The following COL27A1 variants were observed in gnomAD, a reference collection of about 807,000 sequenced individuals.
COL27A1 encodes the protein collagen alpha-1(XXVII) chain.
Under a neutral mutation model 251.3 loss-of-function variants are expected in COL27A1, and 106 were observed. The observed-to-expected ratio is 0.42, with a 90% CI of 0.36 to 0.50. COL27A1 has a LOEUF of 0.50. Ranked by LOEUF, COL27A1 falls within the 20% of genes least tolerant of loss-of-function variation. The pLI is 0.00. For synonymous variants in COL27A1, 1,000 were observed against 986.3 expected (o/e 1.01, Z -0.26); for missense variants, 2,325 against 2,522.8 (o/e 0.92, Z 1.68).
intron 3 of COL27A1, among the ~76,000 whole-genome samples, chr9:114,174,012 C>G (rs1008097748): frequency 2.7e-5 from 4 of 150,798 alleles, no homozygotes; most frequent in Admixed American, 6.6e-5. Flanking sequence ...GAGTCTTGCT[C>G]TGTTGCCCAG....
chr9:114,310,575 A>C lies in COL27A1; in HGVS notation c.5463A>C (p.Thr1821=). 1 of 1,614,106 alleles carries C rather than the reference A, an allele frequency of 6.2e-7. No individual in the cohort carries two copies. Among genetic ancestry groups the C allele is most frequent in the Non-Finnish European group, 8.5e-7 (1 of 1,180,014 alleles). Residue 1821 remains threonine (T), a synonymous_variant, in exon 61 of 61, where the codon ACA becomes ACC. Transcript: ENST00000356083. ...CKVQDGRWHQ[T]LFTFRTQDPQ... ...TCCAAGATGGCCGCTGGCATCAGACACTCTTCACCTTCCGGACCCAAGACC... is the reference window on the plus strand; with the variant it reads ...TCCAAGATGGCCGCTGGCATCAGACCCTCTTCACCTTCCGGACCCAAGACC...
chr9:114,232,471 C>T (rs1832034136), intron 16 of COL27A1, among the ~76,000 whole-genome samples: 2 of 152,202 alleles, frequency 1.3e-5, no homozygotes, highest in African/African-American at 4.8e-5. Context: ...ATACGAGAGA[C>T]ACAGGGCCCA....
At chr9:114,172,620 C>T (rs919818621) in intron 3 of COL27A1, among the ~76,000 whole-genome samples, 23 of 152,108 alleles carry the variant, frequency 1.5e-4, no homozygotes, top group African/African-American at 5.5e-4. Flanking sequence ...ATGGTGAAAC[C>T]CTGTCTTTAC....
At chr9:114,253,740 T>A (rs1171213721) in intron 27 of COL27A1, among the ~76,000 whole-genome samples, 1 of 152,178 alleles carries the variant, frequency 6.6e-6, no homozygotes, top group Non-Finnish European at 1.5e-5. Flanking sequence ...TGTGATCGTG[T>A]GGGTTAAATG....
chr9:114,213,752 C>T (rs1471794264), intron 12 of COL27A1, among the ~76,000 whole-genome samples: 2 of 152,188 alleles, frequency 1.3e-5, no homozygotes, highest in African/African-American at 4.8e-5. Flanking sequence ...TCGATTATCC[C>T]CATTTTCCAG....
At chr9:114,256,266 C>T (rs549260157) in intron 27 of COL27A1, among the ~76,000 whole-genome samples, 32 of 152,234 alleles carry the variant, frequency 2.1e-4, no homozygotes, top group African/African-American at 6.3e-4. Context: ...CCGAGGCTGG[C>T]GGATCACGAG....
At chr9:114,180,803 C>G (rs917269362) in intron 4 of COL27A1, among the ~76,000 whole-genome samples, 1 of 152,150 alleles carries the variant, frequency 6.6e-6, no homozygotes, top group African/African-American at 2.4e-5. Flanking sequence ...CTATGTGCCT[C>G]GTTTCTCTGC....
At chr9:114,164,391 T>C (rs1006441289) in intron 2 of COL27A1, among the ~76,000 whole-genome samples, 1 of 152,218 alleles carries the variant, frequency 6.6e-6, no homozygotes, top group Non-Finnish European at 1.5e-5. Flanking sequence ...GCTGGTCACA[T>C]TTGCCAGGTG....
At chr9:114,294,743 G>T (rs532214156) in intron 49 of COL27A1, among the ~76,000 whole-genome samples, 1 of 152,228 alleles carries the variant, frequency 6.6e-6, no homozygotes, top group Non-Finnish European at 1.5e-5. Flanking sequence ...AGTAGTGATT[G>T]ACTGAATGCT....
intron 12 of COL27A1, among the ~76,000 whole-genome samples, chr9:114,215,186 C>A (rs1169621891): frequency 6.6e-6 from 1 of 152,244 alleles, no homozygotes. Flanking sequence ...TGACTGGGAC[C>A]TGCCCAAGGC....
At chr9:114,166,737 G>C (rs1472634112) in intron 2 of COL27A1, among the ~76,000 whole-genome samples, 3 of 152,210 alleles carry the variant, frequency 2.0e-5, no homozygotes, top group Non-Finnish European at 2.9e-5. Flanking sequence ...GACCTGGGAG[G>C]GGAAAGGTCA....
intron 6 of COL27A1, among the ~76,000 whole-genome samples, chr9:114,195,251 C>A (rs1467784908): frequency 6.6e-6 from 1 of 152,192 alleles, no homozygotes; most frequent in East Asian, 1.9e-4. Flanking sequence ...TTTGATTTCC[C>A]CAAGACACGA....
chr9:114,284,666 T>G, intron 40 of COL27A1, 58 bp from the exon 41 acceptor site: 1 of 1,575,432 alleles, frequency 6.3e-7, no homozygotes, highest in Non-Finnish European at 8.7e-7. Context: ...TTGGAGTCCA[T>G]GTCCTTTGTC....
At chr9:114,265,275 T>G in intron 31 of COL27A1, 147 bp from the exon 32 acceptor site, 1 of 1,057,112 alleles carries the variant, frequency 9.5e-7, no homozygotes, top group Non-Finnish European at 1.4e-6. Flanking sequence ...CTCCAGCACA[T>G]CCTCTCTTCT....
chr9:114,203,044 C>A (rs551356272), intron 7 of COL27A1, among the ~76,000 whole-genome samples: 31 of 152,318 alleles, frequency 2.0e-4, no homozygotes, highest in African/African-American at 7.2e-4. Flanking sequence ...GTTGTGCAAT[C>A]AATATCCAGA....
chr9:114,208,442 C>T lies in COL27A1; in HGVS notation c.2269-1233C>T, dbSNP rs529378728. Among the ~76,000 whole-genome samples the T allele has an allele frequency of 2.0e-4, 31 of 152,000 alleles. No individual in the cohort carries two copies. The South Asian group carries it at 6.2e-3, about 31-fold the overall frequency. On this transcript the variant is annotated intron_variant, in intron 10 of 60. Transcript: ENST00000356083. ...CCAGCCTGGATGACAGAGCAAGACT[C>T]CGTCTCAAAAAATATATATAAATAA...
At chr9:114,262,439 T>C (rs979798109) in intron 28 of COL27A1, among the ~76,000 whole-genome samples, 1 of 152,210 alleles carries the variant, frequency 6.6e-6, no homozygotes, top group African/African-American at 2.4e-5. Context: ...TAGTGTGAAC[T>C]GCCTGAGGAA....
At chr9:114,235,711 G>A in intron 17 of COL27A1, 59 bp downstream of exon 17, 1 of 1,387,508 alleles carries the variant, frequency 7.2e-7, no homozygotes, top group South Asian at 1.2e-5. Flanking sequence ...TGTTCCCCTG[G>A]TCTTGGCTTC....
intron 24 of COL27A1, among the ~76,000 whole-genome samples, chr9:114,248,567 C>T (rs1366094466): frequency 6.6e-6 from 1 of 152,196 alleles, no homozygotes; most frequent in African/African-American, 2.4e-5. Context: ...CAGCCATGCC[C>T]GCAGCTTTCC....
Sources: gnomAD v4.1 joint callset for allele counts (sites outside exome capture counted in the v4.1 genomes callset) on GRCh38, gnomAD v4.1.1 for gene constraint, MANE v1.5 for transcripts, NCBI Gene and HGNC (gene_info 2026-07-23, HGNC 2026-07-21) for gene names.